The following ABI1 variants were observed in gnomAD, a reference collection of about 807,000 sequenced individuals.
The protein encoded by ABI1 is abl interactor 1, also known as Abelson interactor 1.
Under a neutral mutation model 54.6 loss-of-function variants are expected in ABI1, and 14 were observed. The ratio of observed to expected loss-of-function variants is 0.26; its 90% CI spans 0.17 to 0.40. The LOEUF (loss-of-function observed/expected upper bound fraction) is 0.40. ABI1 is among the 10% of genes least tolerant of loss of function. ABI1 has a pLI of 1.00. For missense variants in ABI1, 443 were observed against 598.3 expected, an observed-to-expected ratio of 0.74 and a Z score of 2.71; for synonymous variants, 194 against 209.3, an observed-to-expected ratio of 0.93 and a Z score of 0.63.
In ABI1 at chr10:26,768,887, C is replaced by A; in HGVS notation, c.684G>T (p.Arg228Ser). Residue 228 changes from arginine to serine, a missense_variant, in exon 6 of 11, where the codon AGG (arginine) becomes AGT (serine). Physicochemically the swap from Arg to Ser is moderately radical, Grantham distance 110. Transcript: ENST00000376140. ...ARLGSQHSPGRTASLNQRPRT... is the reference protein window; with the variant it reads ...ARLGSQHSPGSTASLNQRPRT... ...TTGGTCTCTGATTTAAAGATGCTGT[C>A]CTGCCTGGACTATGCTGACTTCCAA... The A allele has an allele frequency of 6.2e-7, 1 of 1,613,674 alleles. No individual in the cohort carries two copies. The highest frequency in any genetic ancestry group is 8.5e-7 in the Non-Finnish European group (1 of 1,179,716).
At position 26,786,026 on chromosome 10, in the gene ABI1, A is replaced by G. The variant is rs146763603; in HGVS notation, c.286-8785T>C. On this transcript the variant is annotated intron_variant, in intron 2 of 10. Transcript: ENST00000376140. ...CTTCTGTCTTCTACCAGCATCTAGG[A>G]AAGATTTTAGCTTGCATGGAGGGCA... Among the ~76,000 whole-genome samples, 715 of 152,304 alleles carry G rather than the reference A, an allele frequency of 4.7e-3. 6 individuals are homozygous for G. The highest frequency in any genetic ancestry group is 7.2e-3 in the Non-Finnish European group (487 of 68,018).
At position 26,815,779 on chromosome 10, in the gene ABI1, T is replaced by G. The variant is rs1265564817; in HGVS notation, c.285+7359A>C. 5.9e-5 allele frequency among the ~76,000 whole-genome samples: 9 copies of G among 152,218 alleles called. No homozygotes were observed. In the East Asian group the frequency reaches 1.4e-3, roughly 23 times the overall value. ...CAAAAAAATTAGCTGGGTATGGTGG[T>G]GTGCATCTGTGGTCCCAGCTACTCA... On this transcript the variant is annotated intron_variant, in intron 2 of 10. Transcript: ENST00000376140.
intron 1 of ABI1, among the ~76,000 whole-genome samples, chr10:26,840,130 G>C (rs1251350693): frequency 2.9e-4 from 44 of 152,132 alleles, no homozygotes; most frequent in Admixed American, 2.8e-3. Context: ...GTTGAAATAT[G>C]ATCCCCAATG....
At chr10:26,761,661 TACACACAC>T (rs1554806654) in intron 7 of ABI1, among the ~76,000 whole-genome samples, 10 of 78,918 alleles carry the variant, frequency 1.3e-4, no homozygotes, top group African/African-American at 2.6e-4. Flanking sequence ...TATATATATA[TACACACAC>T]ACATACACAT....
chr10:26,833,190 G>A (rs1316518985), intron 1 of ABI1, among the ~76,000 whole-genome samples: 10 of 152,184 alleles, frequency 6.6e-5, no homozygotes, highest in Admixed American at 6.5e-4. Flanking sequence ...ACACAGTTGT[G>A]ACTGACAGGA....
chr10:26,856,040 T>G (rs1433445470), intron 1 of ABI1, among the ~76,000 whole-genome samples: 4 of 138,528 alleles, frequency 2.9e-5, no homozygotes, highest in African/African-American at 1.1e-4. Context: ...TAATCCCAAC[T>G]CCATGGGAGA....
intron 3 of ABI1, among the ~76,000 whole-genome samples, chr10:26,772,197 C>G (rs1840776601): frequency 6.6e-6 from 1 of 152,050 alleles, no homozygotes; most frequent in Non-Finnish European, 1.5e-5. Flanking sequence ...GAAACAACAT[C>G]TGGTACCCTA....
intron 2 of ABI1, among the ~76,000 whole-genome samples, chr10:26,787,774 T>C (rs1027406553): frequency 6.6e-6 from 1 of 151,622 alleles, no homozygotes; most frequent in Non-Finnish European, 1.5e-5. Flanking sequence ...TTAGTCTTAA[T>C]ATATGAGAGT....
At chr10:26,772,281 C>T (rs539341742) in intron 3 of ABI1, among the ~76,000 whole-genome samples, 71 of 152,020 alleles carry the variant, frequency 4.7e-4, no homozygotes, top group African/African-American at 1.7e-3. Context: ...AGATAAAATA[C>T]ACTAATGTAT....
chr10:26,822,527 G>A (rs1254914175), intron 2 of ABI1, among the ~76,000 whole-genome samples: 1 of 151,858 alleles, frequency 6.6e-6, no homozygotes, highest in Non-Finnish European at 1.5e-5. Flanking sequence ...AGCAATAAAA[G>A]AGTGAACTAC....
At chr10:26,769,843 G>T (rs1471883295) in intron 5 of ABI1, among the ~76,000 whole-genome samples, 6 of 152,134 alleles carry the variant, frequency 3.9e-5, no homozygotes, top group Non-Finnish European at 7.3e-5. Flanking sequence ...AAACAGAAGA[G>T]CTGTGGACTA....
chr10:26,801,956 G>T (rs1257489260), intron 2 of ABI1, among the ~76,000 whole-genome samples: 2 of 152,192 alleles, frequency 1.3e-5, no homozygotes, highest in Non-Finnish European at 2.9e-5. Context: ...GAAAGTATAG[G>T]ATGCCACAAA....
chr10:26,801,896 G>A (rs942166517), intron 2 of ABI1, among the ~76,000 whole-genome samples: 3 of 152,142 alleles, frequency 2.0e-5, no homozygotes, highest in African/African-American at 4.8e-5. Flanking sequence ...GGCACATACC[G>A]AACAATCAGA....
chr10:26,850,727 T>C (rs2050321313), intron 1 of ABI1, among the ~76,000 whole-genome samples: 1 of 151,328 alleles, frequency 6.6e-6, no homozygotes, highest in African/African-American at 2.4e-5. Context: ...TTGGTAGTGA[T>C]AGGTTTAGAG....
intron 1 of ABI1, among the ~76,000 whole-genome samples, chr10:26,835,224 T>G (rs780343387): frequency 1.3e-5 from 2 of 151,886 alleles, no homozygotes; most frequent in Non-Finnish European, 2.9e-5. Flanking sequence ...CCATACCCTG[T>G]TGGTTGAAAT....
intron 3 of ABI1, among the ~76,000 whole-genome samples, chr10:26,775,613 T>C (rs1333812365): frequency 1.3e-5 from 2 of 152,204 alleles, no homozygotes; most frequent in Non-Finnish European, 2.9e-5. Flanking sequence ...CACTTACACA[T>C]ATACGATGAA....
chr10:26,824,600 T>C (rs944598138), intron 1 of ABI1, among the ~76,000 whole-genome samples: 3 of 151,366 alleles, frequency 2.0e-5, no homozygotes, highest in Middle Eastern at 3.2e-3. Flanking sequence ...CTCCAGAATA[T>C]TGCTAAGGTG....
intron 2 of ABI1, among the ~76,000 whole-genome samples, chr10:26,793,214 G>T (rs111412206): frequency 3.3e-5 from 5 of 152,222 alleles, no homozygotes; most frequent in African/African-American, 7.2e-5. Context: ...GGCAGAAGAA[G>T]AGAGTCCTGA....
In ABI1 at chr10:26,747,874, C is replaced by T; in HGVS notation, c.*696G>A. ...AAATCAGTGAAGGAAAGGACAAAAA[C>T]CTTTGGTTCACTTATGTATTTATGA... is the stretch of plus-strand genomic sequence containing the variant. On this transcript the variant is annotated 3_prime_UTR_variant, in exon 11 of 11. Transcript: ENST00000376140. The T allele has an allele frequency of 5.2e-6, 1 of 192,856 alleles. No individual in the cohort carries two copies. Among genetic ancestry groups the T allele is most frequent in the Non-Finnish European group, 1.1e-5 (1 of 92,542 alleles). The allele number at this position is 192,856 out of a possible 1,614,324, so 11.9% of individuals were successfully genotyped here. A position where few individuals can be genotyped will look rare whatever the true frequency, so the allele number is the denominator to read the frequency against.
Sources: gnomAD v4.1 joint callset for allele counts (sites outside exome capture counted in the v4.1 genomes callset) on GRCh38, gnomAD v4.1.1 for gene constraint, MANE v1.5 for transcripts, NCBI Gene and HGNC (gene_info 2026-07-23, HGNC 2026-07-21) for gene names.